MPPED2: variants seen among roughly 807,000 people sequenced by gnomAD.
MPPED2 encodes the protein metallophosphoesterase domain containing 2, also known as metallophosphoesterase MPPED2.
In MPPED2, 5 loss-of-function variants were observed where a neutral mutation model predicts 33.0. The ratio of observed to expected loss-of-function variants is 0.15; its 90% CI spans 0.08 to 0.32. MPPED2 has a LOEUF of 0.32. Among genes scored for constraint, MPPED2 ranks in the 10% least tolerant of loss-of-function variants. MPPED2 has a pLI of 1.00. For synonymous variants in MPPED2, 136 were observed against 141.9 expected (o/e 0.96, Z 0.29); for missense variants, 275 against 372.1 (o/e 0.74, Z 2.15).
chr11:30,537,448 T>C (rs1160239016), intron 2 of MPPED2, among the ~76,000 whole-genome samples: 1 of 152,188 alleles, frequency 6.6e-6, no homozygotes, highest in Non-Finnish European at 1.5e-5. Flanking sequence ...TCCCTAAACA[T>C]ATTGCCTCTA....
intron 2 of MPPED2, among the ~76,000 whole-genome samples, chr11:30,579,990 G>A (rs1371713241): frequency 6.6e-6 from 1 of 152,000 alleles, no homozygotes; most frequent in Non-Finnish European, 1.5e-5. Context: ...TCTATAAATA[G>A]GGGCAACCAA....
intron 3 of MPPED2, among the ~76,000 whole-genome samples, chr11:30,529,852 C>G (rs1296770254): frequency 2.0e-5 from 3 of 152,194 alleles, no homozygotes; most frequent in African/African-American, 7.2e-5. Context: ...ACAGCCATGT[C>G]TAACAAAATG....
chr11:30,572,556 T>C (rs1054281288), intron 2 of MPPED2, among the ~76,000 whole-genome samples: 1 of 152,196 alleles, frequency 6.6e-6, no homozygotes, highest in Non-Finnish European at 1.5e-5. Context: ...ATGGCCATGC[T>C]AATGTGCAGG....
intron 4 of MPPED2, among the ~76,000 whole-genome samples, chr11:30,453,901 A>G (rs536450299): frequency 3.3e-5 from 5 of 152,158 alleles, no homozygotes; most frequent in African/African-American, 1.2e-4. Context: ...TGGCATTCAC[A>G]TGCAGCAGCA....
intron 4 of MPPED2, among the ~76,000 whole-genome samples, chr11:30,487,700 T>C (rs1050566271): frequency 3.3e-5 from 5 of 152,020 alleles, no homozygotes; most frequent in Non-Finnish European, 7.4e-5. Flanking sequence ...GGTCTCAAAC[T>C]CCTGAGCTCA....
At chr11:30,559,396 CA>C (rs998350976) in intron 2 of MPPED2, among the ~76,000 whole-genome samples, 10 of 151,878 alleles carry the variant, frequency 6.6e-5, no homozygotes, top group Non-Finnish European at 1.2e-4. Context: ...CAAACTAAAA[CA>C]AAAAAATGAT....
chr11:30,512,018 T>C (rs559877), intron 3 of MPPED2, among the ~76,000 whole-genome samples: 21,069 of 152,160 alleles, frequency 0.14, 2,549 homozygotes, highest in African/African-American at 0.33. Context: ...GGCTCTATTT[T>C]TGTCTCCTTA....
intron 6 of MPPED2, among the ~76,000 whole-genome samples, chr11:30,390,900 A>G (rs1449790315): frequency 6.6e-6 from 1 of 152,036 alleles, no homozygotes; most frequent in Non-Finnish European, 1.5e-5. Flanking sequence ...GTTTCTTTGT[A>G]TGGTGGTCTC....
intron 2 of MPPED2, among the ~76,000 whole-genome samples, chr11:30,565,747 T>A (rs967570552): frequency 6.6e-6 from 1 of 152,212 alleles, no homozygotes; most frequent in East Asian, 1.9e-4. Flanking sequence ...TTCTGTGCCA[T>A]GTAAAATTTT....
rs151252451 is a variant in MPPED2, at chr11:30,580,250, G to A, written c.124C>T (p.His42Tyr). The A allele has an allele frequency of 2.1e-5, 34 of 1,613,498 alleles. No homozygotes were observed. The highest frequency in any genetic ancestry group is 5.9e-6 in the Non-Finnish European group (7 of 1,179,792). ...AAGTTCATAAGCGATACTTACATATGTACATGTGGAGGCTGGAATCTGCTC... is the reference window on the plus strand; with the variant it reads ...AAGTTCATAAGCGATACTTACATATATACATGTGGAGGCTGGAATCTGCTC... ...NQSRFQPPHV[H>Y]MVDPIPYDTP... The change falls in exon 2 of 7, where the codon CAT becomes TAT. Residue 42 changes from histidine to tyrosine, a missense_variant. Coordinates refer to ENST00000358117, the MANE Select transcript of MPPED2 (RefSeq NM_001584.3).
chr11:30,401,691 T>G (rs980741482), intron 6 of MPPED2, among the ~76,000 whole-genome samples: 30 of 152,322 alleles, frequency 2.0e-4, no homozygotes, highest in Admixed American at 2.0e-3. Context: ...TTTTTTTGTT[T>G]GTTTGAGACG....
intron 3 of MPPED2, among the ~76,000 whole-genome samples, chr11:30,517,798 C>T (rs1953618946): frequency 1.3e-5 from 2 of 152,184 alleles, no homozygotes; most frequent in South Asian, 4.1e-4. Context: ...TTTCCTCCTT[C>T]TGTCATGGGA....
chr11:30,424,901 A>G (rs1037797791), intron 4 of MPPED2, among the ~76,000 whole-genome samples: 1 of 152,128 alleles, frequency 6.6e-6, no homozygotes, highest in Non-Finnish European at 1.5e-5. Context: ...AAAACTTAAC[A>G]TCAGGGCAAG....
At chr11:30,451,731 T>C in intron 4 of MPPED2, 1 of 978,960 alleles carries the variant, frequency 1.0e-6, no homozygotes, top group Non-Finnish European at 1.2e-6. Context: ...ATACAACTGT[T>C]TTCTGCTGTA....
downstream of MPPED2, chr11:30,384,346 A>G (rs1947677721): frequency 6.6e-6 from 1 of 152,150 alleles, no homozygotes; most frequent in South Asian, 2.1e-4. Context: ...GACCATTCCT[A>G]TTAGTACTGT....
intron 3 of MPPED2, among the ~76,000 whole-genome samples, chr11:30,497,125 T>C (rs1283207957): frequency 6.6e-6 from 1 of 151,918 alleles, no homozygotes; most frequent in African/African-American, 2.4e-5. Context: ...TGCTGAAGAG[T>C]TCAAAAAAGA....
chr11:30,511,725 T>C (rs1953206740), intron 3 of MPPED2, among the ~76,000 whole-genome samples: 1 of 152,192 alleles, frequency 6.6e-6, no homozygotes, highest in Non-Finnish European at 1.5e-5. Flanking sequence ...AGTGCAATCA[T>C]CTATAGTTGA....
chr11:30,508,336 A>G (rs1167481262), intron 3 of MPPED2, among the ~76,000 whole-genome samples: 3 of 152,190 alleles, frequency 2.0e-5, no homozygotes, highest in Non-Finnish European at 4.4e-5. Flanking sequence ...GTAAATGCAT[A>G]CTACATTTGC....
chr11:30,452,746 T>C (rs941900923), intron 4 of MPPED2, among the ~76,000 whole-genome samples: 4 of 152,184 alleles, frequency 2.6e-5, no homozygotes, highest in African/African-American at 9.7e-5. Flanking sequence ...AAAGATATTC[T>C]GTCTAGCAGT....
Sources: gnomAD v4.1 joint callset for allele counts (sites outside exome capture counted in the v4.1 genomes callset) on GRCh38, gnomAD v4.1.1 for gene constraint, MANE v1.5 for transcripts, NCBI Gene and HGNC (gene_info 2026-07-23, HGNC 2026-07-21) for gene names.